The following GMDS variants were observed in gnomAD, a reference collection of about 807,000 sequenced individuals.
GMDS encodes GDP-mannose 4,6 dehydratase.
In GMDS, 20 loss-of-function variants were observed where a neutral mutation model predicts 49.9. The ratio of observed to expected loss-of-function variants is 0.40; its 90% CI spans 0.28 to 0.58. GMDS has a LOEUF of 0.58. GMDS is among the 20% of genes least tolerant of loss of function. The probability of loss-of-function intolerance (pLI) is 0.42; values close to 1 mark genes in which losing one functional copy is unlikely to be tolerated. For synonymous variants in GMDS, 177 were observed against 178.6 expected (o/e 0.99, Z 0.07); for missense variants, 362 against 481.4 (o/e 0.75, Z 2.32).
chr6:1,626,811 A>C (rs563011252), intron 9 of GMDS, among the ~76,000 whole-genome samples: 2 of 152,378 alleles, frequency 1.3e-5, no homozygotes, highest in Admixed American at 6.5e-5. Flanking sequence ...TTCTACAAGT[A>C]GCTCACAATA....
intron 9 of GMDS, among the ~76,000 whole-genome samples, chr6:1,677,141 A>G (rs1764651134): frequency 1.1e-4 from 16 of 152,262 alleles, no homozygotes; most frequent in Admixed American, 1.0e-3. Context: ...ACACTTCTCA[A>G]AAGAAGATAT....
intron 4 of GMDS, among the ~76,000 whole-genome samples, chr6:2,023,024 T>C (rs1180302642): frequency 6.6e-6 from 1 of 152,194 alleles, no homozygotes; most frequent in Non-Finnish European, 1.5e-5. Context: ...CTGGAACTTC[T>C]TGGCAAATAA....
At chr6:1,877,206 T>C (rs1040743845) in intron 7 of GMDS, among the ~76,000 whole-genome samples, 2 of 151,966 alleles carry the variant, frequency 1.3e-5, no homozygotes, top group Non-Finnish European at 2.9e-5. Context: ...GATGTTCAGT[T>C]GAACCACTGG....
chr6:1,756,722 G>C (rs1243127424), intron 7 of GMDS, among the ~76,000 whole-genome samples: 1 of 152,224 alleles, frequency 6.6e-6, no homozygotes, highest in Non-Finnish European at 1.5e-5. Flanking sequence ...CTGGTGCTGG[G>C]TGCTGGATGC....
intron 7 of GMDS, among the ~76,000 whole-genome samples, chr6:1,807,120 G>A (rs1048233493): frequency 7.2e-5 from 11 of 151,898 alleles, no homozygotes; most frequent in African/African-American, 1.7e-4. Flanking sequence ...AGGGCTCACC[G>A]CAGCCTCAAC....
chr6:1,624,827 CTTTTTTTTTTTTTTTTT>C (rs551321002), intron 9 of GMDS: 1 of 80,656 alleles, frequency 1.2e-5, no homozygotes, highest in Non-Finnish European at 2.1e-5. Flanking sequence ...GCTCTTAATG[CTTTTTTTTTTTTTTTTT>C]TTTTTTTTTT....
chr6:1,725,864 A>C (rs1276780352), intron 9 of GMDS, among the ~76,000 whole-genome samples: 1 of 152,230 alleles, frequency 6.6e-6, no homozygotes, highest in Non-Finnish European at 1.5e-5. Flanking sequence ...TATAATGTGG[A>C]TACAAAGAAA....
At chr6:1,672,581 G>A (rs1049924959) in intron 9 of GMDS, among the ~76,000 whole-genome samples, 2 of 152,218 alleles carry the variant, frequency 1.3e-5, no homozygotes, top group African/African-American at 4.8e-5. Flanking sequence ...CTGATGCTGG[G>A]AGATAATTCT....
chr6:1,675,991 A>G (rs1476980387), intron 9 of GMDS, among the ~76,000 whole-genome samples: 1 of 152,150 alleles, frequency 6.6e-6, no homozygotes, highest in Non-Finnish European at 1.5e-5. Flanking sequence ...GGACACATAC[A>G]CCCTCTCAAG....
chr6:1,919,335 A>G (rs1761593023), intron 7 of GMDS, among the ~76,000 whole-genome samples: 1 of 152,232 alleles, frequency 6.6e-6, no homozygotes, highest in Non-Finnish European at 1.5e-5. Flanking sequence ...AATATTTTAC[A>G]TAACTCTGAG....
In GMDS at chr6:1,974,877, AAG is replaced by A. The variant is rs752364005; in HGVS notation, c.346-13913_346-13912del. Among the ~76,000 whole-genome samples, 255 of 141,970 alleles carry A rather than the reference AAG, an allele frequency of 1.8e-3. 2 individuals carry two copies. The highest frequency in any genetic ancestry group is 6.1e-3 in the South Asian group (28 of 4,598). The allele number at this position is 141,970 out of a possible 152,430, so 93.1% of individuals were successfully genotyped here. A position where few individuals can be genotyped will look rare whatever the true frequency, so the allele number is the denominator to read the frequency against. On this transcript the variant is annotated intron_variant, in intron 4 of 10. Coordinates refer to ENST00000380815, the MANE Select transcript of GMDS (RefSeq NM_001500.4). ...GAAATCCCGTCTCTATTAAAAAAAA[AAG>A]AAAAAAAAATTAGCCAGGCACGATG...
At chr6:2,183,180 G>C (rs1778632416) in intron 1 of GMDS, among the ~76,000 whole-genome samples, 2 of 152,120 alleles carry the variant, frequency 1.3e-5, no homozygotes, top group South Asian at 4.1e-4. Context: ...TATTATTTAA[G>C]AAATGCATTT....
chr6:2,140,269 G>A (rs1225962634), intron 1 of GMDS, among the ~76,000 whole-genome samples: 1 of 152,044 alleles, frequency 6.6e-6, no homozygotes, highest in African/African-American at 2.4e-5. Flanking sequence ...ACGAGGCCAC[G>A]AGACCACAGA....
chr6:2,105,623 G>A (rs1774200032), intron 4 of GMDS, among the ~76,000 whole-genome samples: 1 of 152,204 alleles, frequency 6.6e-6, no homozygotes, highest in Admixed American at 6.5e-5. Context: ...AATGTGGGTT[G>A]ACAGTCTTGA....
chr6:1,941,330 A>T (rs181116666), intron 6 of GMDS, among the ~76,000 whole-genome samples: 1 of 152,210 alleles, frequency 6.6e-6, no homozygotes, highest in East Asian at 1.9e-4. Context: ...TTAGCAACAA[A>T]ACATAAATGG....
intron 1 of GMDS, among the ~76,000 whole-genome samples, chr6:2,189,797 T>C (rs996974920): frequency 6.6e-6 from 1 of 152,222 alleles, no homozygotes; most frequent in South Asian, 2.1e-4. Context: ...TGCTACTACA[T>C]AACTGATGGT....
chr6:1,892,455 G>A (rs987736783), intron 7 of GMDS, among the ~76,000 whole-genome samples: 14 of 152,116 alleles, frequency 9.2e-5, no homozygotes, highest in African/African-American at 3.4e-4. Context: ...CACTACCCAG[G>A]TTCAAGTGAT....
intron 7 of GMDS, among the ~76,000 whole-genome samples, chr6:1,837,452 T>C (rs1287378596): frequency 6.6e-6 from 1 of 152,176 alleles, no homozygotes; most frequent in Non-Finnish European, 1.5e-5. Flanking sequence ...CCTTTTTGCT[T>C]CCTAATCTGT....
chr6:2,112,432 C>T (rs774487540), intron 4 of GMDS, among the ~76,000 whole-genome samples: 2 of 152,064 alleles, frequency 1.3e-5, no homozygotes, highest in East Asian at 1.9e-4. Context: ...AACACTAGAA[C>T]AAGGGTTCTC....
Sources: gnomAD v4.1 joint callset for allele counts (sites outside exome capture counted in the v4.1 genomes callset) on GRCh38, gnomAD v4.1.1 for gene constraint, MANE v1.5 for transcripts, NCBI Gene and HGNC (gene_info 2026-07-23, HGNC 2026-07-21) for gene names.